EMC10: variants seen among roughly 807,000 people sequenced by gnomAD.
EMC10 encodes the protein ER membrane protein complex subunit 10.
A neutral mutation model predicts 32.2 loss-of-function variants in EMC10; 40 were observed. That is an observed-to-expected ratio of 1.24 (90% CI 0.96 to 1.61). The LOEUF (loss-of-function observed/expected upper bound fraction) is 1.61, where lower values mean the gene tolerates loss of function less well. EMC10 is among the 40% of genes most tolerant of loss of function. The probability of loss-of-function intolerance (pLI) is 0.00; values close to 1 mark genes in which losing one functional copy is unlikely to be tolerated. For missense variants in EMC10, 402 were observed against 357.7 expected (o/e 1.12, Z -1.00); for synonymous variants, 178 against 158.4 (o/e 1.12, Z -0.93).
In EMC10 at chr19:50,483,036, A is replaced by G. The variant is rs2040348403; in HGVS notation, c.*777A>G. ...CCCCCTCCACCACCCCCCGCCGCCC[A>G]GCATCCTACCTGGACTGCGGTGCTA... On this transcript the variant is annotated 3_prime_UTR_variant, in exon 7 of 7. Coordinates refer to ENST00000334976, the MANE Select transcript of EMC10 (RefSeq NM_206538.4). 3.6e-6 allele frequency: 2 copies of G among 551,776 alleles called. No homozygotes were observed. The highest frequency in any genetic ancestry group is 6.9e-6 in the Non-Finnish European group (2 of 290,104). The allele number at this position is 551,776 out of a possible 1,614,324, so 34.2% of individuals were successfully genotyped here.
intron 3 of EMC10, among the ~76,000 whole-genome samples, 173 bp from the exon 4 acceptor site, chr19:50,479,938 G>A (rs959340891): frequency 1.3e-5 from 2 of 152,202 alleles, no homozygotes; most frequent in East Asian, 1.9e-4. Flanking sequence ...CCCACCAGCC[G>A]GGCCACCCCA....
chr19:50,477,572 C>T lies in EMC10; in HGVS notation c.115-357C>T, dbSNP rs116221696. The stretch of plus-strand genomic sequence containing the variant: ...GGCTGCATCTTGGCTATTGGGCTGT[C>T]AGGTGATAAGGAGGCCATTTGAATA... On this transcript the variant is annotated intron_variant, in intron 1 of 6. Transcript: ENST00000334976. 2.0e-3 allele frequency among the ~76,000 whole-genome samples: 306 copies of T among 152,204 alleles called. 2 individuals are homozygous for T. Among genetic ancestry groups the T allele is most frequent in the African/African-American group, 6.9e-3 (288 of 41,508 alleles).
Position 50,480,473 on chromosome 19 carries a change from G to A in EMC10, c.403-108G>A. On this transcript the variant is annotated intron_variant, in intron 4 of 6. Transcript: ENST00000334976. This position sits in a 1 kb window ranked among gnomAD's most constrained non-coding sequence, Gnocchi z 4.4. ...GCCTGAGGGTAACAGGGAGCCATGGGAAGGTTTTGAAAAATGCTCCGGGGG... is the reference window on the plus strand; with the variant it reads ...GCCTGAGGGTAACAGGGAGCCATGGAAAGGTTTTGAAAAATGCTCCGGGGG... 4 of 1,324,124 alleles carry A rather than the reference G, an allele frequency of 3.0e-6. No individual in the cohort carries two copies. The highest frequency in any genetic ancestry group is 4.1e-6 in the Non-Finnish European group (4 of 970,996). 82.0% of individuals were successfully genotyped at this position (1,324,124 alleles called of 1,614,324 possible).
rs1473297558 is a variant in EMC10, at chr19:50,480,251, C to T, written c.402+36C>T. The T allele has an allele frequency of 5.7e-6, 9 of 1,568,032 alleles. No homozygotes were observed. The highest frequency in any genetic ancestry group is 2.7e-5 in the African/African-American group (2 of 74,290). ...GTCGGGGATGAGCCCCCTTCTCCCT[C>T]GTCCTCCTCATCCCCTACCCTGGTC... is the stretch of plus-strand genomic sequence containing the variant. On this transcript the variant is annotated intron_variant, in intron 4 of 6. Transcript: ENST00000334976. The surrounding 1 kb of genome is among the most constrained non-coding windows in gnomAD (Gnocchi z 4.4).
At chr19:50,476,947 G>A (rs1427062651) in intron 1 of EMC10, 2 of 337,734 alleles carry the variant, frequency 5.9e-6, no homozygotes, top group Non-Finnish European at 1.1e-5. Context: ...TCCGACGTCC[G>A]GGCGGTTGAA....
In EMC10 at chr19:50,484,933, G is replaced by C. The variant is rs1476327835; in HGVS notation, c.*2674G>C. ...TCCCTGGAGGCAGCCTGAGTTTTCT[G>C]TCCCCTGGTATGCTGCAGATACTCT... On this transcript the variant is annotated 3_prime_UTR_variant, in exon 7 of 7. Coordinates refer to ENST00000334976, the MANE Select transcript of EMC10 (RefSeq NM_206538.4). 1 of 152,178 alleles carries C rather than the reference G, an allele frequency of 6.6e-6. No individual in the cohort carries two copies. Among genetic ancestry groups the C allele is most frequent in the Non-Finnish European group, 1.5e-5 (1 of 68,040 alleles). The allele number at this position is 152,178 out of a possible 1,614,324, so 9.4% of individuals were successfully genotyped here. A position where few individuals can be genotyped will look rare whatever the true frequency, so the allele number is the denominator to read the frequency against.
Position 50,482,997 on chromosome 19 carries a change from C to G in EMC10, c.*738C>G. 1 of 590,940 alleles carries G rather than the reference C, an allele frequency of 1.7e-6. No homozygotes were observed. The allele number at this position is 590,940 out of a possible 1,614,324, so 36.6% of individuals were successfully genotyped here. A position where few individuals can be genotyped will look rare whatever the true frequency, so the allele number is the denominator to read the frequency against. On this transcript the variant is annotated 3_prime_UTR_variant, in exon 7 of 7. Transcript: ENST00000334976. ...ACAGTTAGTGGAGTCAAAGCCCAGA[C>G]ACTGTAAATAGAACCCCCTCCACCA...
Position 50,479,082 on chromosome 19 carries a change from CAG to C in EMC10, c.297+17_297+18del, listed in dbSNP as rs778760667. ...CCGACTCCGGGTGAGGTGGGGCCCT[CAG>C]GGCTGGGTGTGGATGGGGATGGAGG... On this transcript the variant is annotated intron_variant, in intron 3 of 6. Coordinates refer to ENST00000334976, the MANE Select transcript of EMC10 (RefSeq NM_206538.4). The C allele has an allele frequency of 6.3e-7, 1 of 1,580,488 alleles. No individual in the cohort carries two copies. The highest frequency in any genetic ancestry group is 8.6e-7 in the Non-Finnish European group (1 of 1,161,032).
Position 50,485,319 on chromosome 19 carries a change from C to G in EMC10, c.*3060C>G, listed in dbSNP as rs185967262. Reference sequence around the variant, plus strand: ...GTTCCAGACAGCCCCTCTTCACCAGCGATTCCCCAACTCATCTCCAGCTCA... The same window carrying G: ...GTTCCAGACAGCCCCTCTTCACCAGGGATTCCCCAACTCATCTCCAGCTCA... On this transcript the variant is annotated 3_prime_UTR_variant, in exon 7 of 7. Coordinates refer to ENST00000334976, the MANE Select transcript of EMC10 (RefSeq NM_206538.4). 1.3e-5 allele frequency: 2 copies of G among 152,358 alleles called. No individual in the cohort carries two copies. Among genetic ancestry groups the G allele is most frequent in the South Asian group, 4.2e-4 (2 of 4,816 alleles). 9.4% of individuals were successfully genotyped at this position (152,358 alleles called of 1,614,324 possible).
rs1041707851 is a variant in EMC10, at chr19:50,483,618, A to G, written c.*1359A>G. On this transcript the variant is annotated 3_prime_UTR_variant, in exon 7 of 7. Coordinates refer to ENST00000334976, the MANE Select transcript of EMC10 (RefSeq NM_206538.4). ...TGCTCTGTTACCCAAGCTGGAGTGC[A>G]GTGGCGGTACCTTGACTCACTGCGA... 6.5e-6 allele frequency: 1 copy of G among 153,522 alleles called. No individual in the cohort carries two copies. Among genetic ancestry groups the G allele is most frequent in the South Asian group, 2.0e-4 (1 of 5,004 alleles). The allele number at this position is 153,522 out of a possible 1,614,324, so 9.5% of individuals were successfully genotyped here. A position where few individuals can be genotyped will look rare whatever the true frequency, so the allele number is the denominator to read the frequency against.
intron 6 of EMC10, chr19:50,481,519 C>T (rs946278746): frequency 6.3e-6 from 2 of 319,792 alleles, no homozygotes; most frequent in Non-Finnish European, 1.1e-5. Context: ...TGGCTTCCAC[C>T]CAGGCCTCTG....
intron 6 of EMC10, 21 bp from the exon 7 acceptor site, chr19:50,482,128 C>T (rs1306710445): frequency 1.3e-6 from 2 of 1,486,726 alleles, no homozygotes; most frequent in East Asian, 2.3e-5. Context: ...TCTGTCTGTC[C>T]ATCCTTCCGT....
At position 50,482,218 on chromosome 19, in the gene EMC10, G is replaced by A; in HGVS notation, c.748G>A (p.Gly250Arg). Residue 250 changes from glycine (G) to arginine (R), a missense_variant, in exon 7 of 7, where the codon GGG becomes AGG. By Grantham distance (125) the Gly-to-Arg change is moderately radical. Transcript: ENST00000334976. ...AGCGCCAGACACCGGGGGCCAGGGT[G>A]GGGGTGGGGGTGGGGGTGGTGGTGG... Reference protein sequence around the residue: ...SGAPDTGGQGGGGGGGGGGGS... With the variant: ...SGAPDTGGQGRGGGGGGGGGS... 1 of 1,132,842 alleles carries A rather than the reference G, an allele frequency of 8.8e-7. No homozygotes were observed. Among genetic ancestry groups the A allele is most frequent in the Non-Finnish European group, 1.3e-6 (1 of 787,526 alleles). The allele number at this position is 1,132,842 out of a possible 1,614,324, so 70.2% of individuals were successfully genotyped here.
At position 50,483,017 on chromosome 19, in the gene EMC10, C is replaced by G. The variant is rs1280702976; in HGVS notation, c.*758C>G. The G allele has an allele frequency of 3.5e-6, 2 of 575,712 alleles. No individual in the cohort carries two copies. The highest frequency in any genetic ancestry group is 6.5e-6 in the Non-Finnish European group (2 of 307,520). 35.7% of individuals were successfully genotyped at this position (575,712 alleles called of 1,614,324 possible). A position where few individuals can be genotyped will look rare whatever the true frequency, so the allele number is the denominator to read the frequency against. On this transcript the variant is annotated 3_prime_UTR_variant, in exon 7 of 7. Transcript: ENST00000334976. ...CCAGACACTGTAAATAGAACCCCCT[C>G]CACCACCCCCCGCCGCCCAGCATCC...
In EMC10 at chr19:50,483,301, T is replaced by A. The variant is rs920811233; in HGVS notation, c.*1042T>A. 10 of 363,224 alleles carry A rather than the reference T, an allele frequency of 2.8e-5. No individual in the cohort carries two copies. The highest frequency in any genetic ancestry group is 5.0e-5 in the Non-Finnish European group (9 of 180,034). The allele number at this position is 363,224 out of a possible 1,614,324, so 22.5% of individuals were successfully genotyped here. ...CCATCCTCATGTGGCTGTGTGGAGC[T>A]CAGCTGTGTTGTGTGGCAGTTTATT... On this transcript the variant is annotated 3_prime_UTR_variant, in exon 7 of 7. Transcript: ENST00000334976.
rs1371399198 is a variant in EMC10 at position 50,479,053 on chromosome 19, G to C, written c.284G>C (p.Arg95Pro). The C allele has an allele frequency of 1.2e-6, 2 of 1,605,754 alleles. No individual in the cohort carries two copies. Among genetic ancestry groups the C allele is most frequent in the African/African-American group, 2.7e-5 (2 of 74,716 alleles). Residue 95 changes from arginine to proline, a missense_variant, in exon 3 of 7, where the codon CGG becomes CCG. By Grantham distance (103) the Arg-to-Pro change is moderately radical. Transcript: ENST00000334976. ...CAGCGGCAGCTCAGCGAGGAGGAGC[G>C]GGGCCGACTCCGGGTGAGGTGGGGC... ...LSQRQLSEEERGRLRDVAALN... is the reference protein window; with the variant it reads ...LSQRQLSEEEPGRLRDVAALN...
intron 2 of EMC10, among the ~76,000 whole-genome samples, chr19:50,478,587 C>T (rs188105591): frequency 2.0e-5 from 3 of 152,322 alleles, no homozygotes; most frequent in African/African-American, 7.2e-5. Context: ...GGCATCTGCT[C>T]AGTGAACAGC....
Position 50,482,788 on chromosome 19 carries a change from A to G in EMC10, c.*529A>G, listed in dbSNP as rs1034323476. ...CCCTGGGTCCCCTCATCAGGGGCAGAGGCATGAAAGAGTCGGGGCTGGATG... is the reference window on the plus strand; with the variant it reads ...CCCTGGGTCCCCTCATCAGGGGCAGGGGCATGAAAGAGTCGGGGCTGGATG... On this transcript the variant is annotated 3_prime_UTR_variant, in exon 7 of 7. Coordinates refer to ENST00000334976, the MANE Select transcript of EMC10 (RefSeq NM_206538.4). 5.9e-6 allele frequency: 3 copies of G among 505,794 alleles called. No homozygotes were observed. The highest frequency in any genetic ancestry group is 1.0e-5 in the Non-Finnish European group (3 of 287,720). 31.3% of individuals were successfully genotyped at this position (505,794 alleles called of 1,614,324 possible).
chr19:50,481,792 C>T, intron 6 of EMC10: 1 of 1,406,284 alleles, frequency 7.1e-7, no homozygotes. Flanking sequence ...GAGCGCCCTC[C>T]CACTCCCTGC....
Sources: gnomAD v4.1 joint callset for allele counts (sites outside exome capture counted in the v4.1 genomes callset) on GRCh38, gnomAD v4.1.1 for gene constraint, Gnocchi (gnomAD v3.1) non-coding constraint, MANE v1.5 for transcripts, NCBI Gene and HGNC (gene_info 2026-07-23, HGNC 2026-07-21) for gene names.